Variants in KLC1 observed in about 807,000 individuals in gnomAD.
The protein encoded by KLC1 is kinesin 2 60/70kDa.
KLC1 carries 30 observed loss-of-function variants against 84.2 expected under a neutral mutation model. That is an observed-to-expected ratio of 0.36 (90% CI 0.27 to 0.48). The LOEUF is 0.48. Among genes scored for constraint, KLC1 ranks in the 20% least tolerant of loss-of-function variants. KLC1 has a pLI of 0.99. For synonymous variants in KLC1, 289 were observed against 293.3 expected (o/e 0.99, Z 0.15); for missense variants, 499 against 805.4 (o/e 0.62, Z 4.60).
chr14:103,644,720 C>T (rs1485672968), intron 1 of KLC1, among the ~76,000 whole-genome samples: 2 of 151,866 alleles, frequency 1.3e-5, no homozygotes, highest in African/African-American at 4.8e-5. Context: ...ATAGTGAGAC[C>T]CTGTCTCTAC....
At chr14:103,670,509 G>A (rs2151669259) in intron 7 of KLC1, among the ~76,000 whole-genome samples, 1 of 151,874 alleles carries the variant, frequency 6.6e-6, no homozygotes, top group South Asian at 2.1e-4. Flanking sequence ...CCTAATTTTT[G>A]TATTTGTAGT....
intron 5 of KLC1, among the ~76,000 whole-genome samples, chr14:103,663,694 G>A (rs374602316): frequency 6.6e-6 from 1 of 152,234 alleles, no homozygotes; most frequent in East Asian, 1.9e-4. Flanking sequence ...AGGACGCCCC[G>A]GGGGAGTGGT....
At chr14:103,654,258 T>C (rs1455885623) in intron 1 of KLC1, among the ~76,000 whole-genome samples, 1 of 152,188 alleles carries the variant, frequency 6.6e-6, no homozygotes, top group Non-Finnish European at 1.5e-5. Context: ...TGAGAAAAAA[T>C]GTTGTTCACC....
At chr14:103,696,093 C>CGGGGGGGGGGGGG in intron 15 of KLC1, 2 of 129,320 alleles carry the variant, frequency 1.5e-5, no homozygotes, top group Non-Finnish European at 1.8e-5. Flanking sequence ...AATCACTGCG[C>CGGGGGGGGGGGGG]CCCCGCCCCC....
In KLC1 at chr14:103,657,550, T is replaced by C. The variant is rs1224255303; in HGVS notation, c.266T>C (p.Met89Thr). 6.2e-7 allele frequency: 1 copy of C among 1,613,568 alleles called. No individual in the cohort carries two copies. Among genetic ancestry groups the C allele is most frequent in the Non-Finnish European group, 8.5e-7 (1 of 1,179,580 alleles). Residue 89 changes from methionine (M) to threonine (T), a missense_variant, in exon 3 of 17, where the codon ATG (methionine) becomes ACG (threonine). Physicochemically the swap from Met to Thr is moderately conservative, Grantham distance 81. Transcript: ENST00000334553. ...CACACGTTTCTGTCTGCTCAGGTTA[T>C]GATGGCTTTGTCAAATCACCTGAAT... is the stretch of plus-strand genomic sequence containing the variant. Reference protein sequence around the residue: ...LELGLSEAQVMMALSNHLNAV... With the variant: ...LELGLSEAQVTMALSNHLNAV...
chr14:103,677,737 T>TTAAA (rs1272396459), intron 12 of KLC1, among the ~76,000 whole-genome samples: 5 of 152,100 alleles, frequency 3.3e-5, no homozygotes, highest in African/African-American at 1.2e-4. Context: ...CGTGGGCAGA[T>TTAAA]CACCTGAGGT....
At position 103,694,714 on chromosome 14, in the gene KLC1, T is replaced by A; in HGVS notation, c.1848+2289T>A. 1.0e-6 allele frequency: 1 copy of A among 985,470 alleles called. No homozygotes were observed. Among genetic ancestry groups the A allele is most frequent in the Non-Finnish European group, 1.2e-6 (1 of 829,936 alleles). The allele number at this position is 985,470 out of a possible 1,614,324, so 61.0% of individuals were successfully genotyped here. On this transcript the variant is annotated intron_variant, in intron 15 of 16. Transcript: ENST00000334553. This position sits in a 1 kb window ranked among gnomAD's most constrained non-coding sequence, Gnocchi z 4.5. ...CCAGCCATCCCGTGAAAGCTCAGCT[T>A]GCCACTGTCATGTAACAGGGTGGGT...
intron 13 of KLC1, chr14:103,685,363 C>G (rs1021467089): frequency 1.3e-5 from 16 of 1,228,688 alleles, no homozygotes; most frequent in Non-Finnish European, 1.6e-5. Flanking sequence ...ATTTCTAATA[C>G]GTTGCCAATC....
chr14:103,669,561 C>T lies in KLC1; in HGVS notation c.848C>T (p.Ala283Val). 2 of 1,612,910 alleles carry T rather than the reference C, an allele frequency of 1.2e-6. No homozygotes were observed. Among genetic ancestry groups the T allele is most frequent in the Non-Finnish European group, 1.7e-6 (2 of 1,178,980 alleles). Residue 283 changes from alanine (A) to valine (V), a missense_variant, in exon 6 of 17, where the codon GCT (alanine) becomes GTT (valine). Around this residue, in one of 3 missense-constraint regions of KLC1, gnomAD observed 153 missense variants for 332.4 expected, o/e 0.46. Coordinates refer to ENST00000334553, the MANE Select transcript of KLC1 (RefSeq NM_001394837.1). ...GCTAACCTACTGAATGATGCCTTGG[C>T]TATTCGTGAGAAAACTTTGGGCAAA... ...DAANLLNDAL[A>V]IREKTLGKDH...
chr14:103,638,685 A>G (rs1032867369), intron 1 of KLC1, among the ~76,000 whole-genome samples: 9 of 126,494 alleles, frequency 7.1e-5, no homozygotes, highest in African/African-American at 2.8e-4. Flanking sequence ...TTTTTGAGTC[A>G]GAGTCTCGCT....
At chr14:103,658,831 G>T (rs1354914768) in intron 3 of KLC1, among the ~76,000 whole-genome samples, 1 of 149,752 alleles carries the variant, frequency 6.7e-6, no homozygotes, top group African/African-American at 2.5e-5. Flanking sequence ...CCAATTTTTT[G>T]TATTTTTAGT....
intron 5 of KLC1, 69 bp from the exon 6 acceptor site, chr14:103,669,436 AAAAAAG>A (rs2151657396): frequency 4.3e-6 from 4 of 933,382 alleles, no homozygotes; most frequent in Non-Finnish European, 6.8e-6. Context: ...TCTGTCTAAA[AAAAAAG>A]AAAAGAAAAG....
At chr14:103,698,497 A>T in intron 15 of KLC1, 1 of 454,494 alleles carries the variant, frequency 2.2e-6, no homozygotes, top group South Asian at 2.1e-5. Flanking sequence ...TCACTGTAGG[A>T]CACCCCAGGC....
intron 7 of KLC1, among the ~76,000 whole-genome samples, chr14:103,670,661 C>T (rs1426503356): frequency 6.6e-6 from 1 of 150,846 alleles, no homozygotes; most frequent in Non-Finnish European, 1.5e-5. Flanking sequence ...AAAAATTTTT[C>T]GGTTTTAGGT....
chr14:103,657,390 G>A (rs984609120), intron 2 of KLC1, among the ~76,000 whole-genome samples, 156 bp from the exon 3 acceptor site: 1 of 152,138 alleles, frequency 6.6e-6, no homozygotes, highest in Non-Finnish European at 1.5e-5. Flanking sequence ...GGCTGAAGGG[G>A]AAAAGAGAAG....
At chr14:103,637,655 G>A (rs1407008738) in intron 1 of KLC1, among the ~76,000 whole-genome samples, 1 of 152,042 alleles carries the variant, frequency 6.6e-6, no homozygotes, top group Admixed American at 6.6e-5. Flanking sequence ...AGGCCAAATA[G>A]ATGCATTTGT....
chr14:103,662,254 A>G (rs1447300915), intron 4 of KLC1, 60 bp downstream of exon 4: 7 of 1,333,610 alleles, frequency 5.2e-6, no homozygotes, highest in Admixed American at 1.7e-5. Context: ...TCCTCCTAGA[A>G]CACGGTCATA....
intron 1 of KLC1, among the ~76,000 whole-genome samples, chr14:103,653,495 T>C (rs114689940): frequency 0.018 from 2,786 of 152,294 alleles, 76 homozygotes; most frequent in African/African-American, 0.059. Flanking sequence ...CTAATTTTTG[T>C]ATTTTTAGTT....
At chr14:103,640,218 G>A in intron 1 of KLC1, among the ~76,000 whole-genome samples, 1 of 152,030 alleles carries the variant, frequency 6.6e-6, no homozygotes, top group East Asian at 1.9e-4. Context: ...GCACCACTAT[G>A]CCTGGCTAAT....
Sources: gnomAD v4.1 joint callset for allele counts (sites outside exome capture counted in the v4.1 genomes callset) on GRCh38, gnomAD v4.1.1 for gene constraint, gnomAD v4.1.1 regional missense constraint, Gnocchi (gnomAD v3.1) non-coding constraint, MANE v1.5 for transcripts, NCBI Gene and HGNC (gene_info 2026-07-23, HGNC 2026-07-21) for gene names.